INTS9: variants seen among roughly 807,000 people sequenced by gnomAD.
INTS9 encodes the protein integrator complex subunit 9.
Under a neutral mutation model 79.7 loss-of-function variants are expected in INTS9, and 55 were observed. That is an observed-to-expected ratio of 0.69 (90% CI 0.56 to 0.86). The LOEUF is 0.86. Among genes scored for constraint, INTS9 ranks in the 40% least tolerant of loss-of-function variants. INTS9 has a pLI of 0.00. For missense variants in INTS9, 721 were observed against 831.5 expected (o/e 0.87, Z 1.64); for synonymous variants, 319 against 325.2 (o/e 0.98, Z 0.20).
chr8:28,866,440 C>G (rs1055758594), intron 1 of INTS9, among the ~76,000 whole-genome samples: 1 of 152,064 alleles, frequency 6.6e-6, no homozygotes, highest in Non-Finnish European at 1.5e-5. Flanking sequence ...GGGGAGCATA[C>G]GCGTCAGACT....
intron 13 of INTS9, among the ~76,000 whole-genome samples, chr8:28,776,850 G>A (rs1489877327): frequency 3.3e-5 from 5 of 152,158 alleles, no homozygotes; most frequent in African/African-American, 1.2e-4. Context: ...TCAAGAGCTG[G>A]TTTAGGGACT....
chr8:28,864,766 G>A (rs531065523), intron 1 of INTS9, among the ~76,000 whole-genome samples: 1 of 152,138 alleles, frequency 6.6e-6, no homozygotes, highest in South Asian at 2.1e-4. Context: ...CTTCAACTTG[G>A]CCAGATGCGG....
chr8:28,873,756 T>C (rs977796327), intron 1 of INTS9, among the ~76,000 whole-genome samples: 28 of 152,206 alleles, frequency 1.8e-4, no homozygotes, highest in African/African-American at 6.3e-4. Flanking sequence ...CAACATACTT[T>C]CTAGTAATTT....
At chr8:28,862,106 C>T (rs867816759) in intron 1 of INTS9, 38 of 985,308 alleles carry the variant, frequency 3.9e-5, no homozygotes, top group Admixed American at 6.2e-5. Context: ...GTACAGGAGG[C>T]GCTTGCAAAG....
intron 11 of INTS9, among the ~76,000 whole-genome samples, chr8:28,782,521 G>A (rs1041689445): frequency 5.9e-5 from 9 of 152,188 alleles, no homozygotes; most frequent in Non-Finnish European, 1.3e-4. Flanking sequence ...TACAGCATGT[G>A]GACATGTGTG....
intron 4 of INTS9, among the ~76,000 whole-genome samples, chr8:28,845,320 C>T (rs1197228832): frequency 2.0e-5 from 3 of 152,198 alleles, no homozygotes; most frequent in Admixed American, 6.5e-5. Context: ...GTGCCTCTCT[C>T]CTGCTTCCAT....
chr8:28,804,794 A>G (rs1804716810), intron 8 of INTS9, among the ~76,000 whole-genome samples: 1 of 152,238 alleles, frequency 6.6e-6, no homozygotes, highest in Non-Finnish European at 1.5e-5. Flanking sequence ...CACAGAGGGC[A>G]ATTAAAATGA....
rs60850682 is a variant in INTS9 at position 28,814,284 on chromosome 8, T to TCACACACA, written c.489-680_489-673dup. Among the ~76,000 whole-genome samples the TCACACACA allele has an allele frequency of 5.8e-3, 778 of 134,312 alleles. 1 individual carries two copies. Among genetic ancestry groups the TCACACACA allele is most frequent in the Non-Finnish European group, 6.6e-3 (420 of 63,724 alleles). 88.1% of individuals were successfully genotyped at this position (134,312 alleles called of 152,430 possible). A position where few individuals can be genotyped will look rare whatever the true frequency, so the allele number is the denominator to read the frequency against. On this transcript the variant is annotated intron_variant, in intron 6 of 16. Coordinates refer to ENST00000521022, the MANE Select transcript of INTS9 (RefSeq NM_018250.4). ...CTGAAACAACACTGAACAGGGCTTC[T>TCACACACA]CACACACACACACACACACACACAC...
chr8:28,806,162 A>G (rs1306897017), intron 8 of INTS9, among the ~76,000 whole-genome samples: 1 of 152,202 alleles, frequency 6.6e-6, no homozygotes, highest in African/African-American at 2.4e-5. Context: ...CTGCGGAGGC[A>G]GAGGCTGCAG....
intron 6 of INTS9, among the ~76,000 whole-genome samples, chr8:28,818,525 T>C (rs1805636078): frequency 6.6e-6 from 1 of 152,236 alleles, no homozygotes. Flanking sequence ...GTAGATAAGC[T>C]TTTTGATGTG....
Position 28,771,075 on chromosome 8 carries a change from T to G in INTS9, c.1569A>C (p.Ala523=). ...YEKIEIMPEL[A]DSLVPMEIKP... is the part of the protein sequence containing the mutation. ...TGATCTCCATGGGCACCAGTGAATC[T>G]GCGAGCTGAAAGCAAAGGGCGCAGT... The change falls in exon 15 of 17, where the codon GCA becomes GCC. Residue 523 remains alanine, a synonymous_variant. Coordinates refer to ENST00000521022, the MANE Select transcript of INTS9 (RefSeq NM_018250.4). 2 of 1,607,742 alleles carry G rather than the reference T, an allele frequency of 1.2e-6. No individual in the cohort carries two copies. The highest frequency in any genetic ancestry group is 1.7e-6 in the Non-Finnish European group (2 of 1,177,048).
intron 6 of INTS9, among the ~76,000 whole-genome samples, chr8:28,818,087 T>C (rs1385259485): frequency 6.8e-6 from 1 of 146,574 alleles, no homozygotes; most frequent in South Asian, 2.3e-4. Flanking sequence ...TACAATCATG[T>C]CGTCTGCAAA....
At chr8:28,843,939 TCAAGGTTTATGGTACTG>T (rs1202865783) in intron 4 of INTS9, among the ~76,000 whole-genome samples, 1 of 152,164 alleles carries the variant, frequency 6.6e-6, no homozygotes, top group Admixed American at 6.5e-5. Flanking sequence ...CCATGGTTAT[TCAAGGTTTATGGTACTG>T]CATGAAGCAC....
Position 28,787,876 on chromosome 8 carries a change from T to G in INTS9, c.1051A>C (p.Lys351Gln). 6.2e-7 allele frequency: 1 copy of G among 1,602,194 alleles called. No individual in the cohort carries two copies. The highest frequency in any genetic ancestry group is 8.5e-7 in the Non-Finnish European group (1 of 1,170,870). ...TCTGGAAGATACACCTTACTCTGTTTGTTGTGACAAAGCCTATTAAAGAGG... is the reference window on the plus strand; with the variant it reads ...TCTGGAAGATACACCTTACTCTGTTGGTTGTGACAAAGCCTATTAAAGAGG... Reference protein sequence around the residue: ...QIFAEWLCHNKQSKVYLPEPP... With the variant: ...QIFAEWLCHNQQSKVYLPEPP... The change falls in exon 11 of 17, where the codon AAA (lysine) becomes CAA (glutamine). Residue 351 changes from lysine to glutamine, a missense_variant. Physicochemically the swap from Lys to Gln is moderately conservative, Grantham distance 53. Transcript: ENST00000521022.
intron 6 of INTS9, among the ~76,000 whole-genome samples, chr8:28,820,227 G>A (rs988638998): frequency 6.6e-6 from 1 of 152,168 alleles, no homozygotes; most frequent in African/African-American, 2.4e-5. Flanking sequence ...CTCGTTAGTT[G>A]ATGCAGTTTC....
At chr8:28,820,776 A>T (rs1805784805) in intron 6 of INTS9, among the ~76,000 whole-genome samples, 1 of 152,232 alleles carries the variant, frequency 6.6e-6, no homozygotes. Flanking sequence ...GAATGATGAC[A>T]GAAACATCAG....
At chr8:28,784,158 C>T (rs1334855050) in intron 11 of INTS9, among the ~76,000 whole-genome samples, 1 of 152,150 alleles carries the variant, frequency 6.6e-6, no homozygotes, top group African/African-American at 2.4e-5. Context: ...GGGTTGACTC[C>T]CTCATGCCCT....
intron 14 of INTS9, among the ~76,000 whole-genome samples, chr8:28,773,743 AACTCGTG>A (rs1468490157): frequency 6.6e-6 from 1 of 151,778 alleles, no homozygotes; most frequent in East Asian, 2.0e-4. Flanking sequence ...GCTGGTCTTG[AACTCGTG>A]ACCTTAAGTG....
At chr8:28,776,880 G>T (rs901180342) in intron 13 of INTS9, among the ~76,000 whole-genome samples, 5 of 152,180 alleles carry the variant, frequency 3.3e-5, no homozygotes, top group Non-Finnish European at 7.3e-5. Flanking sequence ...AGTTAATAAT[G>T]AAAAGCAACA....
Sources: gnomAD v4.1 joint callset for allele counts (sites outside exome capture counted in the v4.1 genomes callset) on GRCh38, gnomAD v4.1.1 for gene constraint, MANE v1.5 for transcripts, NCBI Gene and HGNC (gene_info 2026-07-23, HGNC 2026-07-21) for gene names.